Variants in RTN3 observed in about 807,000 individuals in gnomAD.
The protein encoded by RTN3 is reticulon 3.
In RTN3, 49 loss-of-function variants were observed where a neutral mutation model predicts 77.8. That is an observed-to-expected ratio of 0.63 (90% confidence interval 0.50 to 0.80). The LOEUF (loss-of-function observed/expected upper bound fraction) is 0.80, where lower values mean the gene tolerates loss of function less well. RTN3 is among the 30% of genes least tolerant of loss of function. RTN3 has a pLI of 0.00. For missense variants in RTN3, 1,236 were observed against 1,211.9 expected, an observed-to-expected ratio of 1.02 and a Z score of -0.29; for synonymous variants, 464 against 446.9, an observed-to-expected ratio of 1.04 and a Z score of -0.48.
chr11:63,712,652 A>AT (rs1031526017), intron 2 of RTN3, among the ~76,000 whole-genome samples: 20 of 151,746 alleles, frequency 1.3e-4, no homozygotes, highest in Non-Finnish European at 2.2e-4. Flanking sequence ...CACTCGGCTA[A>AT]TTTTTTTGTA....
chr11:63,730,596 A>T (rs2012619586), intron 3 of RTN3, among the ~76,000 whole-genome samples: 1 of 152,220 alleles, frequency 6.6e-6, no homozygotes, highest in South Asian at 2.1e-4. Flanking sequence ...AGCCTGGGCA[A>T]CATAACCCTT....
At chr11:63,694,859 T>A (rs1941857312) in intron 1 of RTN3, among the ~76,000 whole-genome samples, 1 of 152,254 alleles carries the variant, frequency 6.6e-6, no homozygotes, top group African/African-American at 2.4e-5. Flanking sequence ...TTAGATTGCA[T>A]ATGCATTTAC....
chr11:63,751,011 C>A (rs530791280), intron 4 of RTN3, among the ~76,000 whole-genome samples: 1 of 151,876 alleles, frequency 6.6e-6, no homozygotes, highest in African/African-American at 2.4e-5. Flanking sequence ...GGATTACAGG[C>A]GTGAGCCACC....
At chr11:63,738,649 A>AG (rs397732081) in intron 3 of RTN3, among the ~76,000 whole-genome samples, 1 of 151,028 alleles carries the variant, frequency 6.6e-6, no homozygotes, top group Non-Finnish European at 1.5e-5. Context: ...AAAAAAAAAA[A>AG]GAAGGTAAAG....
At chr11:63,699,279 C>T (rs1473349588) in intron 1 of RTN3, among the ~76,000 whole-genome samples, 7 of 150,392 alleles carry the variant, frequency 4.7e-5, no homozygotes, top group Non-Finnish European at 8.9e-5. Flanking sequence ...CCAGCCTGGG[C>T]GGGCGACAGA....
intron 3 of RTN3, among the ~76,000 whole-genome samples, chr11:63,741,201 AT>A (rs1170616532): frequency 2.2e-5 from 3 of 138,828 alleles, no homozygotes; most frequent in South Asian, 2.3e-4. Flanking sequence ...TTATTTATTT[AT>A]TTATTTATTT....
Position 63,756,168 on chromosome 11 carries a change from AAAGT to A in RTN3, c.3053+4_3053+7del, listed in dbSNP as rs1269010217. On this transcript the variant is annotated splice_donor_variant and coding_sequence_variant, in exon 8 of 9. Coordinates refer to ENST00000377819, the MANE Select transcript of RTN3 (RefSeq NM_001265589.2). LOFTEE classifies it high-confidence loss of function. Reference sequence around the variant, plus strand: ...GAGATCAGACCAAGTCAATTGTTGAAAAGTAAGTACATTTAGAGACCACATCATC... The same window carrying A: ...GAGATCAGACCAAGTCAATTGTTGAAAAGTACATTTAGAGACCACATCATC... 6.2e-7 allele frequency: 1 copy of A among 1,608,654 alleles called. No homozygotes were observed. The highest frequency in any genetic ancestry group is 1.7e-5 in the Admixed American group (1 of 60,006).
intron 1 of RTN3, among the ~76,000 whole-genome samples, chr11:63,702,201 G>A (rs1942268543): frequency 6.6e-6 from 1 of 151,588 alleles, no homozygotes; most frequent in African/African-American, 2.4e-5. Context: ...GGAGGGTTTT[G>A]TTTTTCACAT....
chr11:63,753,352 G>T (rs557629389), intron 6 of RTN3, among the ~76,000 whole-genome samples: 12 of 152,322 alleles, frequency 7.9e-5, no homozygotes, highest in Non-Finnish European at 1.3e-4. Flanking sequence ...ACAGCTGGAA[G>T]TAAAGGACAG....
chr11:63,726,627 C>G (rs1299775185), intron 3 of RTN3, among the ~76,000 whole-genome samples: 1 of 152,182 alleles, frequency 6.6e-6, no homozygotes, highest in African/African-American at 2.4e-5. Flanking sequence ...CTTTGGGAGG[C>G]CAAGGCGGGT....
At chr11:63,732,516 T>C (rs2012768666) in intron 3 of RTN3, among the ~76,000 whole-genome samples, 1 of 151,542 alleles carries the variant, frequency 6.6e-6, no homozygotes, top group Non-Finnish European at 1.5e-5. Context: ...AAGCACAGAT[T>C]ACCAATATCA....
intron 3 of RTN3, among the ~76,000 whole-genome samples, chr11:63,734,781 A>ACACACACACACACACACACACACCCCCC (rs778043704): frequency 9.5e-6 from 1 of 105,000 alleles, no homozygotes; most frequent in African/African-American, 3.9e-5. Context: ...ACACACACAC[A>ACACACACACACACACACACACACCCCCC]CCATACTGGA....
At position 63,720,070 on chromosome 11, in the gene RTN3, A is replaced by C. The variant is rs767104687; in HGVS notation, c.1568A>C (p.Lys523Thr). The part of the protein sequence containing the change: ...SFENNKIQAE[K>T]PVSIPSAVVK... ...GAAAATAACAAAATTCAGGCTGAAAAACCTGTTTCCATTCCAAGTGCTGTT... is the reference window on the plus strand; with the variant it reads ...GAAAATAACAAAATTCAGGCTGAAACACCTGTTTCCATTCCAAGTGCTGTT... Residue 523 changes from lysine (K) to threonine (T), a missense_variant, in exon 3 of 9, where the codon AAA (lysine) becomes ACA (threonine). Physicochemically the swap from Lys to Thr is moderately conservative, Grantham distance 78. Around this residue, in one of 3 missense-constraint regions of RTN3, gnomAD observed 1,056 missense variants for 990.4 expected, o/e 1.07. Coordinates refer to ENST00000377819, the MANE Select transcript of RTN3 (RefSeq NM_001265589.2). 1.5e-5 allele frequency: 24 copies of C among 1,613,962 alleles called. No individual in the cohort carries two copies. The Admixed American group carries it at 1.5e-4, about 10-fold the overall frequency.
chr11:63,683,716 C>CT (rs934577657), intron 1 of RTN3, among the ~76,000 whole-genome samples: 3 of 151,934 alleles, frequency 2.0e-5, no homozygotes, highest in African/African-American at 7.3e-5. Context: ...TTTGGCTTAC[C>CT]TTTTTTTATG....
intron 1 of RTN3, among the ~76,000 whole-genome samples, chr11:63,686,314 CA>C (rs1941366191): frequency 6.6e-6 from 1 of 151,460 alleles, no homozygotes; most frequent in Non-Finnish European, 1.5e-5. Flanking sequence ...ACTAAAAATA[CA>C]AAAAATTAGC....
intron 3 of RTN3, among the ~76,000 whole-genome samples, chr11:63,736,691 T>C (rs957658743): frequency 1.3e-5 from 2 of 152,050 alleles, no homozygotes; most frequent in Non-Finnish European, 2.9e-5. Context: ...CTCAAAAAAA[T>C]TTTAAAAAAT....
chr11:63,703,026 C>G (rs1404862075), intron 1 of RTN3, among the ~76,000 whole-genome samples: 1 of 152,052 alleles, frequency 6.6e-6, no homozygotes, highest in African/African-American at 2.4e-5. Context: ...TGGACTATGT[C>G]TACGTATACA....
At chr11:63,748,474 G>C (rs556344985) in intron 3 of RTN3, among the ~76,000 whole-genome samples, 1 of 150,364 alleles carries the variant, frequency 6.7e-6, no homozygotes, top group South Asian at 2.1e-4. Flanking sequence ...TCAGCCTCCC[G>C]AGTAGCTGAG....
intron 3 of RTN3, among the ~76,000 whole-genome samples, chr11:63,732,867 A>G (rs890595927): frequency 6.6e-6 from 1 of 152,212 alleles, no homozygotes; most frequent in Non-Finnish European, 1.5e-5. Flanking sequence ...AGACATGGCA[A>G]ATACAATTAT....
Sources: gnomAD v4.1 joint callset for allele counts (sites outside exome capture counted in the v4.1 genomes callset) on GRCh38, gnomAD v4.1.1 for gene constraint, gnomAD v4.1.1 regional missense constraint, MANE v1.5 for transcripts, NCBI Gene and HGNC (gene_info 2026-07-23, HGNC 2026-07-21) for gene names.